D2HGDH: variants seen among roughly 807,000 people sequenced by gnomAD.
D2HGDH encodes the protein D-2-hydroxyglutarate dehydrogenase, mitochondrial.
Under a neutral mutation model 46.9 loss-of-function variants are expected in D2HGDH, and 31 were observed. That is an observed-to-expected ratio of 0.66 (90% CI 0.50 to 0.89). D2HGDH has a LOEUF of 0.89. Ranked by LOEUF, D2HGDH falls within the 40% of genes least tolerant of loss-of-function variation. The pLI is 0.00. For synonymous variants in D2HGDH, 364 were observed against 332.6 expected (o/e 1.09, Z -1.03); for missense variants, 698 against 720.8 (o/e 0.97, Z 0.36).
chr2:241,742,824 G>A lies in D2HGDH; in HGVS notation c.490+250G>A, dbSNP rs192943022. ...ATCCCGCTCTAGAGGTGTGTGAGGT[G>A]CAGAGTGGCATGTGTGAGGGGATCC... On this transcript the variant is annotated intron_variant, in intron 4 of 9. Transcript: ENST00000321264. The surrounding 1 kb of genome is among the most constrained non-coding windows in gnomAD (Gnocchi z 4.8). 1.3e-5 allele frequency among the ~76,000 whole-genome samples: 2 copies of A among 152,368 alleles called. No individual in the cohort carries two copies. Among genetic ancestry groups the A allele is most frequent in the African/African-American group, 4.8e-5 (2 of 41,584 alleles).
intron 8 of D2HGDH, among the ~76,000 whole-genome samples, chr2:241,753,887 T>A (rs545212392): frequency 3.9e-5 from 6 of 152,168 alleles, no homozygotes; most frequent in Non-Finnish European, 8.8e-5. Flanking sequence ...GCTCAGCCCA[T>A]GGCCCCTCAG....
rs1230289566 is a variant in D2HGDH, at chr2:241,735,176, G to A, written c.-49G>A. 5.4e-6 allele frequency: 8 copies of A among 1,471,920 alleles called. No homozygotes were observed. Among genetic ancestry groups the A allele is most frequent in the South Asian group, 1.3e-5 (1 of 75,346 alleles). 91.2% of individuals were successfully genotyped at this position (1,471,920 alleles called of 1,614,324 possible). On this transcript the variant is annotated 5_prime_UTR_variant, in exon 2 of 10. Coordinates refer to ENST00000321264, the MANE Select transcript of D2HGDH (RefSeq NM_152783.5). ...CCTGCCCTTCCCCTCCGGGCCCTGA[G>A]TACCGGCCCCCCACCAAGGAGGAGC... is the stretch of plus-strand genomic sequence containing the variant.
chr2:241,750,367 A>G, intron 7 of D2HGDH, 73 bp downstream of exon 7: 1 of 1,061,674 alleles, frequency 9.4e-7, no homozygotes, highest in Non-Finnish European at 1.3e-6. Flanking sequence ...GGGACGGCTC[A>G]GAGACCCCGG....
intron 9 of D2HGDH, among the ~76,000 whole-genome samples, chr2:241,763,517 C>T (rs1199645199): frequency 1.3e-5 from 2 of 152,092 alleles, no homozygotes; most frequent in Non-Finnish European, 1.5e-5. Context: ...TGAGGGGTTG[C>T]GAAGGCCTAG....
chr2:241,746,768 A>G (rs1695968600), intron 6 of D2HGDH, among the ~76,000 whole-genome samples: 1 of 152,030 alleles, frequency 6.6e-6, no homozygotes, highest in African/African-American at 2.4e-5. Context: ...GACGCCTGTA[A>G]TCCCAGCTAC....
Position 241,759,568 on chromosome 2 carries a change from G to A in D2HGDH, c.1306+3554G>A, listed in dbSNP as rs186776001. On this transcript the variant is annotated intron_variant, in intron 9 of 9. Coordinates refer to ENST00000321264, the MANE Select transcript of D2HGDH (RefSeq NM_152783.5). ...TGATTTAGATGTGTTTCTTGTGGAC[G>A]CCCCCGGACAGGTTTCTTGCGTACT... Among the ~76,000 whole-genome samples the A allele has an allele frequency of 2.7e-3, 408 of 152,206 alleles. 2 individuals are homozygous for A. The highest frequency in any genetic ancestry group is 6.8e-3 in the Middle Eastern group (2 of 294).
chr2:241,761,820 G>A (rs1698850464), intron 9 of D2HGDH, among the ~76,000 whole-genome samples: 1 of 151,936 alleles, frequency 6.6e-6, no homozygotes, highest in Admixed American at 6.6e-5. Context: ...TCCCTGGCAT[G>A]GAAAAATAGG....
chr2:241,735,574 C>G (rs1055965730), intron 2 of D2HGDH, 58 bp downstream of exon 2: 3 of 1,590,634 alleles, frequency 1.9e-6, no homozygotes, highest in South Asian at 2.2e-5. Context: ...TGCGCCTTCC[C>G]GTGGAGGCTT....
At chr2:241,746,931 A>G (rs1480497034) in intron 6 of D2HGDH, among the ~76,000 whole-genome samples, 1 of 150,708 alleles carries the variant, frequency 6.6e-6, no homozygotes, top group Non-Finnish European at 1.5e-5. Context: ...GTGATGTTTT[A>G]TAATCAGGCA....
intron 2 of D2HGDH, among the ~76,000 whole-genome samples, chr2:241,739,911 G>A (rs1386543521): frequency 6.6e-6 from 1 of 152,256 alleles, no homozygotes; most frequent in Non-Finnish European, 1.5e-5. Context: ...TAGGGAGGCT[G>A]AGGTGGGTGG....
intron 7 of D2HGDH, 62 bp downstream of exon 7, chr2:241,750,356 T>A: frequency 7.9e-7 from 1 of 1,267,916 alleles, no homozygotes. Context: ...TCTGGACACA[T>A]GGGACGGCTC....
At chr2:241,751,102 G>T in intron 7 of D2HGDH, 144 bp from the exon 8 acceptor site, 1 of 1,090,306 alleles carries the variant, frequency 9.2e-7, no homozygotes, top group Non-Finnish European at 1.4e-6. Flanking sequence ...TAACCAGAGA[G>T]CTGTGTGCTC....
At chr2:241,761,513 TG>T (rs1193222293) in intron 9 of D2HGDH, among the ~76,000 whole-genome samples, 2 of 152,152 alleles carry the variant, frequency 1.3e-5, no homozygotes, top group African/African-American at 4.8e-5. Context: ...CACTCCAGCC[TG>T]GGCAAAAGAG....
chr2:241,745,678 C>A (rs145362249), intron 6 of D2HGDH, among the ~76,000 whole-genome samples: 129 of 152,336 alleles, frequency 8.5e-4, no homozygotes, highest in African/African-American at 2.5e-3. Context: ...CCTCCACTCT[C>A]TTGTGTCCGA....
chr2:241,755,044 G>C, intron 8 of D2HGDH: 1 of 1,300,198 alleles, frequency 7.7e-7, no homozygotes, highest in South Asian at 1.2e-5. Flanking sequence ...TCATGGTGCA[G>C]ATCTCCACAA....
chr2:241,762,817 G>T (rs1184190584), intron 9 of D2HGDH, among the ~76,000 whole-genome samples: 1 of 152,050 alleles, frequency 6.6e-6, no homozygotes, highest in Non-Finnish European at 1.5e-5. Context: ...CAGATTTTTT[G>T]GTTTTATATT....
At chr2:241,767,597 G>T in intron 9 of D2HGDH, 113 bp from the exon 10 acceptor site, 2 of 1,487,484 alleles carry the variant, frequency 1.3e-6, no homozygotes, top group Non-Finnish European at 1.8e-6. Flanking sequence ...GTGAGGCTCA[G>T]CCGGGGGTCT....
In D2HGDH at chr2:241,742,368, G is replaced by A. The variant is rs544153853; in HGVS notation, c.351-67G>A. The A allele has an allele frequency of 5.5e-5, 85 of 1,533,400 alleles. No homozygotes were observed. The African/African-American group carries it at 9.3e-4, about 17-fold the overall frequency. 95.0% of individuals were successfully genotyped at this position (1,533,400 alleles called of 1,614,324 possible). A position where few individuals can be genotyped will look rare whatever the true frequency, so the allele number is the denominator to read the frequency against. On this transcript the variant is annotated intron_variant, in intron 3 of 9. Coordinates refer to ENST00000321264, the MANE Select transcript of D2HGDH (RefSeq NM_152783.5). This position sits in a 1 kb window ranked among gnomAD's most constrained non-coding sequence, Gnocchi z 4.8. ...TGGAGTCAGGCACTGGTCCTGCGGC[G>A]TGTCCTTGGGGATGGTGGCGTAGGG...
chr2:241,753,584 C>T (rs979032617), intron 8 of D2HGDH, among the ~76,000 whole-genome samples: 1 of 152,230 alleles, frequency 6.6e-6, no homozygotes, highest in Non-Finnish European at 1.5e-5. Context: ...TGCGCAGGTC[C>T]AGCCGCTGCC....
Sources: allele counts gnomAD v4.1 joint callset (sites outside exome capture counted in the v4.1 genomes callset), GRCh38; gene constraint gnomAD v4.1.1; non-coding constraint Gnocchi (gnomAD v3.1); transcripts MANE v1.5; gene names NCBI Gene and HGNC (gene_info 2026-07-23, HGNC 2026-07-21).